Variants in TRA2B observed in about 807,000 individuals in gnomAD.
TRA2B encodes the protein transformer-2 protein homolog beta.
A neutral mutation model predicts 41.7 loss-of-function variants in TRA2B; 14 were observed. The observed-to-expected ratio is 0.34, with a 90% confidence interval of 0.22 to 0.53. The LOEUF is 0.53. Ranked by LOEUF, TRA2B falls within the 20% of genes least tolerant of loss-of-function variation. The pLI, the probability that TRA2B is intolerant of heterozygous loss-of-function variation, is 0.95. For missense variants in TRA2B, 167 were observed against 396.8 expected, an observed-to-expected ratio of 0.42 and a Z score of 4.92; for synonymous variants, 130 against 128.8, an observed-to-expected ratio of 1.01 and a Z score of -0.06.
At chr3:185,923,158 C>A (rs1001650057) in intron 4 of TRA2B, 3 of 152,448 alleles carry the variant, frequency 2.0e-5, no homozygotes, top group Admixed American at 6.5e-5. Flanking sequence ...AGCCTGTAAT[C>A]CCACCTGCTC....
At chr3:185,935,725 G>GT in intron 1 of TRA2B, 1 of 985,380 alleles carries the variant, frequency 1.0e-6, no homozygotes, top group Non-Finnish European at 1.2e-6. Flanking sequence ...GAGCTTTATG[G>GT]TTTTCCCAAG....
chr3:185,933,422 T>C (rs1389937477), intron 1 of TRA2B, among the ~76,000 whole-genome samples: 2 of 152,212 alleles, frequency 1.3e-5, no homozygotes, highest in African/African-American at 4.8e-5. Flanking sequence ...TATGTACATT[T>C]AGTTAAGAGA....
chr3:185,937,128 G>A (rs1744392860), intron 1 of TRA2B: 4 of 985,328 alleles, frequency 4.1e-6, no homozygotes, highest in Non-Finnish European at 4.8e-6. Flanking sequence ...TGCCTGGGAA[G>A]CCCTTTCGGC....
chr3:185,932,500 T>C (rs1225853122), intron 1 of TRA2B, among the ~76,000 whole-genome samples: 1 of 152,290 alleles, frequency 6.6e-6, no homozygotes, highest in South Asian at 2.1e-4. Flanking sequence ...GTCAACCACC[T>C]ACAATATGCC....
At chr3:185,927,283 G>T (rs1042695832) in intron 1 of TRA2B, 8 of 152,222 alleles carry the variant, frequency 5.3e-5, no homozygotes, top group African/African-American at 1.7e-4. Context: ...AAACCTAGTG[G>T]AAAGCAAAGG....
At position 185,920,814 on chromosome 3, in the gene TRA2B, C is replaced by G. The variant is rs919020210; in HGVS notation, c.722+290G>C. Reference sequence around the variant, plus strand: ...GAAGTGTTGGGATTACAGGCGTGAGCTACTGCGCCTGGCCTCATTCAATGT... The same window carrying G: ...GAAGTGTTGGGATTACAGGCGTGAGGTACTGCGCCTGGCCTCATTCAATGT... On this transcript the variant is annotated intron_variant, in intron 6 of 8. Coordinates refer to ENST00000453386, the MANE Select transcript of TRA2B (RefSeq NM_004593.3). 2.0e-5 allele frequency among the ~76,000 whole-genome samples: 3 copies of G among 152,272 alleles called. No individual in the cohort carries two copies. In the East Asian group the frequency reaches 5.8e-4, roughly 29 times the overall value.
At chr3:185,919,192 GACTA>G (rs199635573) in intron 7 of TRA2B, among the ~76,000 whole-genome samples, 1 of 86,942 alleles carries the variant, frequency 1.2e-5, no homozygotes, top group Admixed American at 1.0e-4. Context: ...AGTTATCAGT[GACTA>G]ACATCACTGT....
At chr3:185,929,109 T>C (rs1211460706) in intron 1 of TRA2B, 1 of 152,198 alleles carries the variant, frequency 6.6e-6, no homozygotes, top group Non-Finnish European at 1.5e-5. Flanking sequence ...AATACCAGAA[T>C]GCAAAGGCTT....
chr3:185,917,931 T>C (rs1743564999), intron 8 of TRA2B, among the ~76,000 whole-genome samples: 1 of 152,188 alleles, frequency 6.6e-6, no homozygotes, highest in East Asian at 1.9e-4. Context: ...CTGGGAAGTA[T>C]ATAACTCAAT....
chr3:185,930,604 G>A (rs1370927548), intron 1 of TRA2B, among the ~76,000 whole-genome samples: 2 of 152,072 alleles, frequency 1.3e-5, no homozygotes, highest in East Asian at 3.9e-4. Context: ...CTACTACTGG[G>A]TATTATTTTT....
At chr3:185,932,800 T>C (rs1744200208) in intron 1 of TRA2B, among the ~76,000 whole-genome samples, 1 of 152,208 alleles carries the variant, frequency 6.6e-6, no homozygotes, top group African/African-American at 2.4e-5. Context: ...TTCACTTTGA[T>C]GATCTTTCAT....
chr3:185,924,199 G>GA (rs542555631), intron 3 of TRA2B: 171 of 397,428 alleles, frequency 4.3e-4, no homozygotes, highest in African/African-American at 3.2e-3. Context: ...TTCAACCTTA[G>GA]AATTAAGTAG....
At chr3:185,926,960 G>A (rs925422464) in intron 1 of TRA2B, 12 of 472,646 alleles carry the variant, frequency 2.5e-5, no homozygotes, top group African/African-American at 2.2e-4. Flanking sequence ...AGGGATAAGA[G>A]TTATTTGACC....
At chr3:185,918,001 T>G (rs1578470247) in intron 8 of TRA2B, among the ~76,000 whole-genome samples, 1 of 152,202 alleles carries the variant, frequency 6.6e-6, no homozygotes, top group African/African-American at 2.4e-5. Flanking sequence ...TTTTAAGGAC[T>G]CTTGAAAAGC....
chr3:185,918,845 A>G lies in TRA2B; in HGVS notation c.783-407T>C, dbSNP rs1018644581. On this transcript the variant is annotated intron_variant, in intron 7 of 8. Transcript: ENST00000453386. ...AACATGGTGAAAACCTGTCTCTACT[A>G]AAAAAAAAAAATTAGCTCTGTGCGG... Among the ~76,000 whole-genome samples, 10 of 142,946 alleles carry G rather than the reference A, an allele frequency of 7.0e-5. No homozygotes were observed. In the East Asian group the frequency reaches 1.0e-3, roughly 14 times the overall value. The allele number at this position is 142,946 out of a possible 152,430, so 93.8% of individuals were successfully genotyped here.
chr3:185,918,564 A>C lies in TRA2B; in HGVS notation c.783-126T>G, dbSNP rs569073526. The C allele has an allele frequency of 5.4e-6, 3 of 555,408 alleles. No individual in the cohort carries two copies. The East Asian group carries it at 8.9e-5, about 16-fold the overall frequency. 34.4% of individuals were successfully genotyped at this position (555,408 alleles called of 1,614,324 possible). On this transcript the variant is annotated intron_variant, in intron 7 of 8. Transcript: ENST00000453386. ...AAAAAGGAAAGCTGCATGAACCTTC[A>C]AGGTCTGTTTAAATCTTGAGAATGA... is the stretch of plus-strand genomic sequence containing the variant.
Position 185,921,016 on chromosome 3 carries a change from C to CT in TRA2B, c.722+87dup, listed in dbSNP as rs201825576. 3.8e-3 allele frequency: 4,430 copies of CT among 1,158,722 alleles called. 90 individuals are homozygous for CT. Among genetic ancestry groups the CT allele is most frequent in the African/African-American group, 0.036 (2,383 of 65,822 alleles). The allele number at this position is 1,158,722 out of a possible 1,614,324, so 71.8% of individuals were successfully genotyped here. Reference sequence around the variant, plus strand: ...CTCGAGTAAAAGTACTAAAGCAAAGCTTTTAACAAAGGCTAAAACTTAAGC... The same window carrying CT: ...CTCGAGTAAAAGTACTAAAGCAAAGCTTTTTAACAAAGGCTAAAACTTAAGC... On this transcript the variant is annotated intron_variant, in intron 6 of 8. Transcript: ENST00000453386.
chr3:185,921,671 GGAGAAC>G (rs1193706499), intron 5 of TRA2B, among the ~76,000 whole-genome samples: 2 of 152,176 alleles, frequency 1.3e-5, no homozygotes, highest in Non-Finnish European at 2.9e-5. Flanking sequence ...GGCTGAGGCA[GGAGAAC>G]TGCTTGAACC....
In TRA2B at chr3:185,915,523, C is replaced by T. The variant is rs184139931; in HGVS notation, c.*2192G>A. Among the ~76,000 whole-genome samples the T allele has an allele frequency of 2.8e-4, 42 of 152,266 alleles. No homozygotes were observed. The highest frequency in any genetic ancestry group is 9.9e-4 in the African/African-American group (41 of 41,550). The stretch of plus-strand genomic sequence containing the variant: ...GAAACTGGCGACTAGCATTACAGCA[C>T]ATCAAAAGACTACCACTTTGTCTCA... On this transcript the variant is annotated 3_prime_UTR_variant, in exon 9 of 9. Coordinates refer to ENST00000453386, the MANE Select transcript of TRA2B (RefSeq NM_004593.3).
Sources: allele counts gnomAD v4.1 joint callset (sites outside exome capture counted in the v4.1 genomes callset), GRCh38; gene constraint gnomAD v4.1.1; transcripts MANE v1.5; gene names NCBI Gene and HGNC (gene_info 2026-07-23, HGNC 2026-07-21).